The following RAD51B variants were observed in gnomAD, a reference collection of about 807,000 sequenced individuals.
RAD51B encodes the protein RAD51 paralog B.
A neutral mutation model predicts 42.2 loss-of-function variants in RAD51B; 38 were observed. The observed-to-expected ratio is 0.90, with a 90% confidence interval of 0.70 to 1.18. The LOEUF (loss-of-function observed/expected upper bound fraction) is 1.18. RAD51B is among the 50% of genes most tolerant of loss of function. The probability of loss-of-function intolerance (pLI) is 0.00; values close to 1 mark genes in which losing one functional copy is unlikely to be tolerated. For missense variants in RAD51B, 373 were observed against 400.7 expected (o/e 0.93, Z 0.59); for synonymous variants, 154 against 145.2 (o/e 1.06, Z -0.43).
At chr14:67,923,194 A>G (rs1306242662) in intron 7 of RAD51B, among the ~76,000 whole-genome samples, 1 of 150,406 alleles carries the variant, frequency 6.6e-6, no homozygotes, top group African/African-American at 2.5e-5. Flanking sequence ...TGTGAATGCC[A>G]TTGTTTCATT....
intron 7 of RAD51B, among the ~76,000 whole-genome samples, chr14:68,082,252 G>A (rs959437748): frequency 6.6e-5 from 10 of 152,194 alleles, no homozygotes; most frequent in South Asian, 4.1e-4. Flanking sequence ...GAGCCACTGC[G>A]CCCGGCCGCA....
At chr14:68,623,151 AG>A (rs1356211615) in intron 10 of RAD51B, among the ~76,000 whole-genome samples, 3 of 152,156 alleles carry the variant, frequency 2.0e-5, no homozygotes, top group African/African-American at 4.8e-5. Flanking sequence ...GAGCAAATCC[AG>A]GGCTGTTTGC....
At chr14:68,541,830 G>A (rs967604015) in intron 10 of RAD51B, 53 of 984,540 alleles carry the variant, frequency 5.4e-5, no homozygotes, top group Non-Finnish European at 6.3e-5. Flanking sequence ...CTTTTACAAG[G>A]CAGCCTGTGA....
intron 5 of RAD51B, among the ~76,000 whole-genome samples, chr14:67,885,088 A>T (rs765955388): frequency 5.3e-5 from 8 of 152,212 alleles, no homozygotes; most frequent in Non-Finnish European, 1.2e-4. Flanking sequence ...ATAAAATGTC[A>T]TTTCATTTAA....
chr14:68,352,056 A>G (rs1437311058), intron 8 of RAD51B, among the ~76,000 whole-genome samples: 1 of 152,192 alleles, frequency 6.6e-6, no homozygotes, highest in Non-Finnish European at 1.5e-5. Flanking sequence ...TTGAGATACT[A>G]AGGAGACATA....
chr14:67,959,490 T>A (rs1385440450), intron 7 of RAD51B, among the ~76,000 whole-genome samples: 1 of 152,012 alleles, frequency 6.6e-6, no homozygotes, highest in Non-Finnish European at 1.5e-5. Flanking sequence ...CTTGTGATCC[T>A]CCTGCCTCAG....
intron 8 of RAD51B, among the ~76,000 whole-genome samples, chr14:68,328,126 C>G (rs984551440): frequency 4.6e-5 from 7 of 152,136 alleles, no homozygotes; most frequent in Admixed American, 2.6e-4. Context: ...TTTTACTAAG[C>G]TGCCCTAAAG....
intron 7 of RAD51B, among the ~76,000 whole-genome samples, chr14:68,182,166 T>A (rs1460027942): frequency 6.6e-6 from 1 of 152,184 alleles, no homozygotes; most frequent in Non-Finnish European, 1.5e-5. Flanking sequence ...ATTCAAGCCA[T>A]CTTGTGCTTC....
chr14:68,080,936 T>C (rs2076903996), intron 7 of RAD51B, among the ~76,000 whole-genome samples: 1 of 151,894 alleles, frequency 6.6e-6, no homozygotes, highest in Admixed American at 6.6e-5. Flanking sequence ...TCACTGAAGA[T>C]CAGAGCCAAA....
chr14:67,956,358 C>A (rs2074546766), intron 7 of RAD51B, among the ~76,000 whole-genome samples: 1 of 152,014 alleles, frequency 6.6e-6, no homozygotes, highest in Non-Finnish European at 1.5e-5. Flanking sequence ...ATGGTGGCGG[C>A]CACCTGTAAT....
intron 5 of RAD51B, among the ~76,000 whole-genome samples, chr14:67,873,797 A>G (rs1024269129): frequency 1.6e-3 from 239 of 146,442 alleles, no homozygotes; most frequent in African/African-American, 5.9e-3. Flanking sequence ...AGGGACATGG[A>G]TGAAATTGGA....
intron 7 of RAD51B, among the ~76,000 whole-genome samples, chr14:68,017,986 A>G (rs542660526): frequency 3.4e-4 from 52 of 152,162 alleles, no homozygotes; most frequent in Admixed American, 2.9e-3. Context: ...ATAAATAAAT[A>G]AATAAATAAA....
At chr14:68,249,676 A>G (rs2080577836) in intron 7 of RAD51B, among the ~76,000 whole-genome samples, 1 of 152,216 alleles carries the variant, frequency 6.6e-6, no homozygotes, top group African/African-American at 2.4e-5. Flanking sequence ...AGTATTTTTT[A>G]GTGTTTAGCT....
intron 8 of RAD51B, among the ~76,000 whole-genome samples, chr14:68,357,961 ATTGGCCTAATTTCAATGTTC>A (rs2082943051): frequency 1.3e-5 from 2 of 152,306 alleles, no homozygotes; most frequent in African/African-American, 4.8e-5. Context: ...TGTAGGGTTA[ATTGGCCTAATTTCAATGTTC>A]TTGGCCTAAT....
rs537399213 is a variant in RAD51B, at chr14:67,835,209, T to C, written c.315+13T>C. 4 of 1,578,752 alleles carry C rather than the reference T, an allele frequency of 2.5e-6. No individual in the cohort carries two copies. In the Admixed American group the frequency reaches 6.7e-5, roughly 27 times the overall value. ...ATCCCTCACAGAGGTAAAGGAAAAA[T>C]TTTTCGTACCTTCTTCCATTGACCT... On this transcript the variant is annotated intron_variant, in intron 4 of 10. Coordinates refer to ENST00000471583, the MANE Select transcript of RAD51B (RefSeq NM_133510.4).
At chr14:68,240,618 A>G (rs1566752052) in intron 7 of RAD51B, among the ~76,000 whole-genome samples, 1 of 152,182 alleles carries the variant, frequency 6.6e-6, no homozygotes, top group Non-Finnish European at 1.5e-5. Context: ...ACATTTGTTC[A>G]TATCCCTGCC....
At chr14:68,304,936 T>C (rs1332397544) in intron 8 of RAD51B, among the ~76,000 whole-genome samples, 1 of 152,232 alleles carries the variant, frequency 6.6e-6, no homozygotes, top group East Asian at 1.9e-4. Context: ...GTTATTATAT[T>C]GGATATCTAG....
At chr14:68,364,027 A>G (rs1365449250) in intron 8 of RAD51B, among the ~76,000 whole-genome samples, 1 of 152,096 alleles carries the variant, frequency 6.6e-6, no homozygotes, top group Non-Finnish European at 1.5e-5. Context: ...TTCCTTCTCC[A>G]GTGCGGGGAG....
chr14:68,133,793 G>T (rs1467616519), intron 7 of RAD51B, among the ~76,000 whole-genome samples: 1 of 151,950 alleles, frequency 6.6e-6, no homozygotes, highest in East Asian at 1.9e-4. Context: ...ATTTTTTTAA[G>T]ATTATTTTGG....
Sources: gnomAD v4.1 joint callset for allele counts (sites outside exome capture counted in the v4.1 genomes callset) on GRCh38, gnomAD v4.1.1 for gene constraint, MANE v1.5 for transcripts, NCBI Gene and HGNC (gene_info 2026-07-23, HGNC 2026-07-21) for gene names.